IL1RAPL2: variants seen among roughly 807,000 people sequenced by gnomAD.
IL1RAPL2 encodes the protein X-linked interleukin-1 receptor accessory protein-like 2.
IL1RAPL2 carries 3 observed loss-of-function variants against 44.1 expected under a neutral mutation model. The ratio of observed to expected loss-of-function variants is 0.07; its 90% CI spans 0.03 to 0.18. The LOEUF (loss-of-function observed/expected upper bound fraction) is 0.18. Ranked by LOEUF, IL1RAPL2 falls within the 10% of genes least tolerant of loss-of-function variation. The probability of loss-of-function intolerance (pLI) is 1.00; values close to 1 mark genes in which losing one functional copy is unlikely to be tolerated. For synonymous variants in IL1RAPL2, 181 were observed against 178.8 expected, an observed-to-expected ratio of 1.01 and a Z score of -0.10; for missense variants, 391 against 496.4, an observed-to-expected ratio of 0.79 and a Z score of 2.02.
intron 6 of IL1RAPL2, among the ~76,000 whole-genome samples, chrX:105,648,772 G>A (rs2037623998): frequency 8.9e-6 from 1 of 111,814 alleles, no homozygotes; most frequent in Admixed American, 9.5e-5. Context: ...AAAGGCACAG[G>A]CAAGCTGATC....
At chrX:105,575,970 T>C (rs1483765233) in intron 6 of IL1RAPL2, among the ~76,000 whole-genome samples, 2 of 112,035 alleles carry the variant, frequency 1.8e-5, no homozygotes, top group Non-Finnish European at 3.8e-5. Context: ...ATGTATGTCT[T>C]CTTTAGAAAA....
chrX:105,168,851 C>T (rs1411245074), intron 2 of IL1RAPL2, among the ~76,000 whole-genome samples: 1 of 110,397 alleles, frequency 9.1e-6, no homozygotes, highest in Non-Finnish European at 1.9e-5. Context: ...TAATCTCATC[C>T]AGACACACCC....
chrX:105,078,517 A>T (rs1243809553), intron 2 of IL1RAPL2, among the ~76,000 whole-genome samples: 1 of 111,324 alleles, frequency 9.0e-6, no homozygotes, highest in African/African-American at 3.3e-5. Context: ...CCGTTCTCAG[A>T]TCTCCAGCTG....
intron 2 of IL1RAPL2, among the ~76,000 whole-genome samples, chrX:104,853,036 G>C (rs991881460): frequency 8.9e-6 from 1 of 111,744 alleles, no homozygotes; most frequent in South Asian, 3.8e-4. Flanking sequence ...ATCCCCTTTG[G>C]TTTAAAGTCT....
At chrX:105,399,549 A>G (rs1190561715) in intron 5 of IL1RAPL2, among the ~76,000 whole-genome samples, 3 of 110,939 alleles carry the variant, frequency 2.7e-5, no homozygotes, top group Non-Finnish European at 5.7e-5. Context: ...ACTATCTTCC[A>G]TTTTTGTATC....
chrX:105,535,872 T>G (rs1450337106), intron 6 of IL1RAPL2, among the ~76,000 whole-genome samples: 1 of 111,383 alleles, frequency 9.0e-6, no homozygotes, highest in Non-Finnish European at 1.9e-5. Flanking sequence ...GTTATGCTAA[T>G]TTTTATGTGT....
chrX:104,994,254 A>G (rs899365472), intron 2 of IL1RAPL2, among the ~76,000 whole-genome samples: 1 of 111,856 alleles, frequency 8.9e-6, no homozygotes, highest in Admixed American at 9.5e-5. Context: ...AGACTTAATG[A>G]TGAGGGAAAG....
intron 2 of IL1RAPL2, among the ~76,000 whole-genome samples, chrX:104,946,356 G>A (rs1183567626): frequency 5.9e-5 from 3 of 50,716 alleles, no homozygotes; most frequent in Admixed American, 3.7e-4. Flanking sequence ...GTCTGGCCTG[G>A]GCGACAGAGC....
At chrX:105,098,498 A>G (rs970749249) in intron 2 of IL1RAPL2, among the ~76,000 whole-genome samples, 4 of 112,165 alleles carry the variant, frequency 3.6e-5, no homozygotes, top group Non-Finnish European at 7.5e-5. Flanking sequence ...ATTTTCAAAT[A>G]GTAACATGGT....
intron 3 of IL1RAPL2, among the ~76,000 whole-genome samples, chrX:105,212,401 G>T (rs1218435647): frequency 2.7e-5 from 3 of 111,601 alleles, no homozygotes; most frequent in Non-Finnish European, 5.6e-5. Context: ...TGGCCAGGCT[G>T]CTTCTCTAGA....
chrX:104,775,992 T>G (rs1932712357), intron 2 of IL1RAPL2, among the ~76,000 whole-genome samples: 1 of 111,313 alleles, frequency 9.0e-6, no homozygotes, highest in Admixed American at 9.6e-5. Flanking sequence ...AGAAGAGGTA[T>G]TCTACCATTT....
In IL1RAPL2 at chrX:105,305,246, G is replaced by C. The variant is rs139496923; in HGVS notation, c.697+37705G>C. On this transcript the variant is annotated intron_variant, in intron 5 of 10. Coordinates refer to ENST00000372582, the MANE Select transcript of IL1RAPL2 (RefSeq NM_017416.2). ...GGTTATGTGAGATGAATAAGTTCTA[G>C]AGATCTGCAGTACAACACAGTACTC... is the stretch of plus-strand genomic sequence containing the variant. Among the ~76,000 whole-genome samples, 20 of 110,927 alleles carry C rather than the reference G, an allele frequency of 1.8e-4. No individual in the cohort carries two copies. In the East Asian group the frequency reaches 4.6e-3, roughly 25 times the overall value.
chrX:105,654,076 A>C (rs756927028), intron 6 of IL1RAPL2, among the ~76,000 whole-genome samples: 16 of 111,066 alleles, frequency 1.4e-4, no homozygotes, highest in Non-Finnish European at 3.0e-4. Context: ...GATGAAAAAG[A>C]AGCCACAGAA....
rs182591494 is a variant in IL1RAPL2, at chrX:104,909,436, C to A, written c.82+250441C>A. On this transcript the variant is annotated intron_variant, in intron 2 of 10. Coordinates refer to ENST00000372582, the MANE Select transcript of IL1RAPL2 (RefSeq NM_017416.2). ...AGAGGTGCTCTGCTTTTTAGAGTTT[C>A]CAGTTTTTCTGTTCTGTTTTTTCCC... is the stretch of plus-strand genomic sequence containing the variant. Among the ~76,000 whole-genome samples the A allele has an allele frequency of 5.6e-3, 623 of 111,771 alleles. 3 individuals carry two copies. The highest frequency in any genetic ancestry group is 0.019 in the African/African-American group (592 of 30,787).
At chrX:104,778,830 T>C (rs5962982) in intron 2 of IL1RAPL2, among the ~76,000 whole-genome samples, 11 of 110,362 alleles carry the variant, frequency 1.0e-4, no homozygotes, top group Non-Finnish European at 1.5e-4. Flanking sequence ...CTACCTTTCC[T>C]AAAAATCACT....
At chrX:105,265,319 G>C (rs2034393486) in intron 4 of IL1RAPL2, among the ~76,000 whole-genome samples, 1 of 112,043 alleles carries the variant, frequency 8.9e-6, no homozygotes, top group African/African-American at 3.2e-5. Flanking sequence ...TTAGAAATCT[G>C]AGGCTATCAG....
chrX:104,607,498 G>A (rs1346976516), intron 1 of IL1RAPL2, among the ~76,000 whole-genome samples: 3 of 111,782 alleles, frequency 2.7e-5, no homozygotes, highest in South Asian at 3.7e-4. Context: ...TCTGAAAAAC[G>A]CTAATATCCA....
At chrX:105,312,047 C>G (rs960771090) in intron 5 of IL1RAPL2, among the ~76,000 whole-genome samples, 5 of 111,700 alleles carry the variant, frequency 4.5e-5, no homozygotes, top group African/African-American at 1.6e-4. Flanking sequence ...TAAGTGACCT[C>G]TTTTTTGAAC....
At position 105,644,611 on chromosome X, in the gene IL1RAPL2, A is replaced by AT. The variant is rs749963854; in HGVS notation, c.773-72748dup. 1.7e-4 allele frequency among the ~76,000 whole-genome samples: 19 copies of AT among 110,355 alleles called. No individual in the cohort carries two copies. The East Asian group carries it at 4.3e-3, about 25-fold the overall frequency. On this transcript the variant is annotated intron_variant, in intron 6 of 10. Transcript: ENST00000372582. Reference sequence around the variant, plus strand: ...TTCTTCAAGTTCTTGTTATTTTCTTATTTTTTTTAATTATACTTTAAGTTC... The same window carrying AT: ...TTCTTCAAGTTCTTGTTATTTTCTTATTTTTTTTTAATTATACTTTAAGTTC...
Sources: gnomAD v4.1 joint callset for allele counts (sites outside exome capture counted in the v4.1 genomes callset) on GRCh38, gnomAD v4.1.1 for gene constraint, MANE v1.5 for transcripts, NCBI Gene and HGNC (gene_info 2026-07-23, HGNC 2026-07-21) for gene names.